SMIM36: variants seen among roughly 807,000 people sequenced by gnomAD.
The protein encoded by SMIM36 is small integral membrane protein 36.
At chr17:55,482,023 A>T (rs181078458) in intron 1 of SMIM36, among the ~76,000 whole-genome samples, 2 of 152,280 alleles carry the variant, frequency 1.3e-5, no homozygotes, top group African/African-American at 4.8e-5. Flanking sequence ...ATAAAACTTT[A>T]ATTTATGAAG....
chr17:55,481,341 A>C (rs1909517952), intron 1 of SMIM36, among the ~76,000 whole-genome samples: 1 of 152,224 alleles, frequency 6.6e-6, no homozygotes, highest in African/African-American at 2.4e-5. Flanking sequence ...AGGTAGACAT[A>C]CTGAAAGCAC....
intron 1 of SMIM36, among the ~76,000 whole-genome samples, chr17:55,504,923 T>A: frequency 1.4e-5 from 1 of 72,380 alleles, no homozygotes; most frequent in Non-Finnish European, 2.3e-5. Context: ...AAATACAAAC[T>A]ACCATCAGAG....
At chr17:55,517,866 A>G in the SMIM36 span, among the ~76,000 whole-genome samples, 2 of 152,238 alleles carry the variant, frequency 1.3e-5, no homozygotes, top group Non-Finnish European at 2.9e-5. Context: ...AGATGACATT[A>G]AAAGAAGGTG....
At chr17:55,501,086 T>TATA (rs1909931517) in intron 1 of SMIM36, among the ~76,000 whole-genome samples, 1 of 20,204 alleles carries the variant, frequency 4.9e-5, no homozygotes, top group Non-Finnish European at 8.3e-5. Context: ...ATATATAATA[T>TATA]ACTATTATAT....
At chr17:55,520,197 C>A in the SMIM36 span, among the ~76,000 whole-genome samples, 4 of 152,120 alleles carry the variant, frequency 2.6e-5, no homozygotes, top group African/African-American at 9.7e-5. Flanking sequence ...TGTGTAAAAT[C>A]TCCTTTTGTT....
At chr17:55,495,381 A>G (rs1333077309) in intron 1 of SMIM36, among the ~76,000 whole-genome samples, 4 of 152,206 alleles carry the variant, frequency 2.6e-5, no homozygotes, top group Non-Finnish European at 5.9e-5. Context: ...CTACAAACCC[A>G]TGGATTGGAA....
intron 1 of SMIM36, among the ~76,000 whole-genome samples, chr17:55,501,752 C>T (rs997388182): frequency 3.3e-5 from 5 of 151,358 alleles, no homozygotes; most frequent in Non-Finnish European, 4.4e-5. Context: ...GGAACAGCTC[C>T]GGTCTACAGC....
Position 55,477,640 on chromosome 17 carries a change from G to T in SMIM36, c.*347+1122C>A, listed in dbSNP as rs76491256. ...AGACACAATTCAACCCATAACAGGA[G>T]TCACACAGATCTGGGTTCAAATCTT... On this transcript the variant is annotated intron_variant, in intron 3 of 4. Coordinates refer to ENST00000636752, the Ensembl canonical transcript of SMIM36. Among the ~76,000 whole-genome samples the T allele has an allele frequency of 3.9e-3, 595 of 152,216 alleles. 17 individuals carry two copies. The East Asian group carries it at 0.079, about 20-fold the overall frequency.
chr17:55,477,489 T>A (rs976754108), intron 3 of SMIM36, among the ~76,000 whole-genome samples: 29 of 152,278 alleles, frequency 1.9e-4, no homozygotes, highest in African/African-American at 7.0e-4. Context: ...ATTAGGCAGG[T>A]CATATTAGAT....
intron 3 of SMIM36, among the ~76,000 whole-genome samples, chr17:55,472,337 G>T (rs992110284): frequency 1.3e-5 from 2 of 152,154 alleles, no homozygotes; most frequent in African/African-American, 4.8e-5. Context: ...GCTTTAACTC[G>T]TGTGCTCTCT....
chr17:55,521,572 T>A, the SMIM36 span, among the ~76,000 whole-genome samples: 1 of 152,254 alleles, frequency 6.6e-6, no homozygotes, highest in Non-Finnish European at 1.5e-5. Context: ...CTACTTTATC[T>A]TTCTCTAGTT....
intron 4 of SMIM36, among the ~76,000 whole-genome samples, chr17:55,463,281 C>T (rs540745223): frequency 2.6e-5 from 4 of 152,144 alleles, no homozygotes; most frequent in East Asian, 1.9e-4. Flanking sequence ...AGGCCGGACA[C>T]GGTGGCTCAC....
At chr17:55,512,550 T>C (rs1266953810), upstream of SMIM36, among the ~76,000 whole-genome samples, 1 of 152,264 alleles carries the variant, frequency 6.6e-6, no homozygotes, top group African/African-American at 2.4e-5. Flanking sequence ...TTCCTTGATG[T>C]ACAAATCACT....
At chr17:55,458,803 C>T (rs1909081157) in intron 4 of SMIM36, among the ~76,000 whole-genome samples, 1 of 152,134 alleles carries the variant, frequency 6.6e-6, no homozygotes, top group Non-Finnish European at 1.5e-5. Flanking sequence ...GGAAGACTAC[C>T]TCCCTTGTGG....
At chr17:55,499,953 T>C (rs1311591607) in intron 1 of SMIM36, among the ~76,000 whole-genome samples, 2 of 151,952 alleles carry the variant, frequency 1.3e-5, no homozygotes, top group Non-Finnish European at 2.9e-5. Flanking sequence ...TGTAGAAAGG[T>C]AAGTGGCAGG....
chr17:55,482,013 A>G (rs1269254588), intron 1 of SMIM36, among the ~76,000 whole-genome samples: 3 of 152,166 alleles, frequency 2.0e-5, no homozygotes, highest in African/African-American at 7.2e-5. Context: ...CATGATTTTA[A>G]TAAAACTTTA....
chr17:55,521,588 T>C, the SMIM36 span, among the ~76,000 whole-genome samples: 1 of 152,236 alleles, frequency 6.6e-6, no homozygotes, highest in African/African-American at 2.4e-5. Context: ...TAGTTTCCTA[T>C]GTAGGATTTA....
At chr17:55,502,580 C>A (rs1910013319) in intron 1 of SMIM36, among the ~76,000 whole-genome samples, 1 of 102,718 alleles carries the variant, frequency 9.7e-6, no homozygotes, top group African/African-American at 4.8e-5. Flanking sequence ...CTGTACATCA[C>A]CATCATCAAA....
intron 1 of SMIM36, among the ~76,000 whole-genome samples, chr17:55,482,001 A>G (rs1909528891): frequency 6.6e-6 from 1 of 152,156 alleles, no homozygotes; most frequent in Non-Finnish European, 1.5e-5. Context: ...CCAGCCAAGC[A>G]TCATGATTTT....
Sources: gnomAD v4.1 joint callset for allele counts (sites outside exome capture counted in the v4.1 genomes callset) on GRCh38, gnomAD v4.1.1 for gene constraint, MANE v1.5 for transcripts, NCBI Gene and HGNC (gene_info 2026-07-23, HGNC 2026-07-21) for gene names.